Variants in LOXHD1 observed in about 807,000 individuals in gnomAD.
LOXHD1 encodes lipoxygenase homology domain-containing protein 1.
A neutral mutation model predicts 248.2 loss-of-function variants in LOXHD1; 205 were observed. The observed-to-expected ratio is 0.83, with a 90% CI of 0.74 to 0.93. The LOEUF is 0.93. LOXHD1 is among the 40% of genes least tolerant of loss of function. LOXHD1 has a pLI of 0.00. For missense variants in LOXHD1, 2,930 were observed against 2,971.6 expected, an observed-to-expected ratio of 0.99 and a Z score of 0.33; for synonymous variants, 1,113 against 1,162.8, an observed-to-expected ratio of 0.96 and a Z score of 0.87.
At chr18:46,504,124 GT>G (rs200695948) in intron 37 of LOXHD1, among the ~76,000 whole-genome samples, 3 of 150,966 alleles carry the variant, frequency 2.0e-5, no homozygotes, top group East Asian at 3.9e-4. Context: ...GTTTTGTTTT[GT>G]TTTTTTTTGA....
chr18:46,654,619 C>T (rs2039156121), intron 1 of LOXHD1, among the ~76,000 whole-genome samples: 2 of 152,210 alleles, frequency 1.3e-5, no homozygotes, highest in East Asian at 1.9e-4. Context: ...AGAGAAGGAA[C>T]ACCTAGGCTT....
intron 8 of LOXHD1, among the ~76,000 whole-genome samples, chr18:46,598,935 T>C (rs2038298056): frequency 6.6e-6 from 1 of 152,102 alleles, no homozygotes; most frequent in African/African-American, 2.4e-5. Context: ...TTTGGCAAAA[T>C]AAATAAATAC....
rs1368535103 is a variant in LOXHD1, at chr18:46,591,959, C to A, written c.1628G>T (p.Gly543Val). 1.9e-6 allele frequency: 3 copies of A among 1,551,904 alleles called. No individual in the cohort carries two copies. Among genetic ancestry groups the A allele is most frequent in the Non-Finnish European group, 2.6e-6 (3 of 1,147,018 alleles). The change falls in exon 12 of 41, where the codon GGC becomes GTC. Residue 543 changes from glycine to valine, a missense_variant. By Grantham distance (109) the Gly-to-Val change is moderately radical. Transcript: ENST00000642948. ...NEIVREMTAE[G>V]PTVRRIMGMA... ...GCCCATGATCCTGCGCACTGTTGGGCCTTCTGCAGTCATTTCCCTCACTAT... is the reference window on the plus strand; with the variant it reads ...GCCCATGATCCTGCGCACTGTTGGGACTTCTGCAGTCATTTCCCTCACTAT...
At chr18:46,497,279 GAAC>G (rs1481421367) in intron 37 of LOXHD1, among the ~76,000 whole-genome samples, 1 of 152,194 alleles carries the variant, frequency 6.6e-6, no homozygotes, top group Non-Finnish European at 1.5e-5. Flanking sequence ...GCTGGCATCT[GAAC>G]AACAATAGTA....
At chr18:46,571,219 G>A (rs1308835833) in intron 15 of LOXHD1, among the ~76,000 whole-genome samples, 1 of 152,168 alleles carries the variant, frequency 6.6e-6, no homozygotes, top group East Asian at 1.9e-4. Flanking sequence ...TCTAATCCCA[G>A]CACTTTGGGT....
chr18:46,616,480 ATGCGC>A (rs2038589128), intron 5 of LOXHD1, among the ~76,000 whole-genome samples: 3 of 152,124 alleles, frequency 2.0e-5, no homozygotes, highest in African/African-American at 7.2e-5. Flanking sequence ...ACATTTCTTC[ATGCGC>A]TGATGTTAGT....
chr18:46,527,985 CCA>C (rs1320581015), intron 29 of LOXHD1, among the ~76,000 whole-genome samples: 1 of 152,150 alleles, frequency 6.6e-6, no homozygotes, highest in Non-Finnish European at 1.5e-5. Flanking sequence ...GGGGCTCCTT[CCA>C]CAGTCTCTGA....
At chr18:46,587,928 T>C (rs1244551163) in intron 12 of LOXHD1, among the ~76,000 whole-genome samples, 1 of 152,202 alleles carries the variant, frequency 6.6e-6, no homozygotes, top group Non-Finnish European at 1.5e-5. Flanking sequence ...AGACATGGCA[T>C]TAATTGCTTA....
At chr18:46,488,883 C>T in intron 38 of LOXHD1, 89 bp downstream of exon 38, 1 of 1,404,476 alleles carries the variant, frequency 7.1e-7, no homozygotes, top group Non-Finnish European at 9.7e-7. Flanking sequence ...CTGTATCTGG[C>T]ACCTGACCCC....
intron 33 of LOXHD1, chr18:46,520,257 T>C (rs923398532): frequency 1.1e-5 from 5 of 470,422 alleles, no homozygotes; most frequent in Middle Eastern, 3.3e-4. Context: ...CCATATACAA[T>C]GTAGGCAGAG....
At chr18:46,520,903 A>G (rs1349152487) in intron 33 of LOXHD1, among the ~76,000 whole-genome samples, 194 bp downstream of exon 33, 1 of 152,220 alleles carries the variant, frequency 6.6e-6, no homozygotes, top group African/African-American at 2.4e-5. Flanking sequence ...CCAAGGTCAC[A>G]CGGCAGCAGA....
At chr18:46,640,692 G>A (rs770950703) in intron 3 of LOXHD1, among the ~76,000 whole-genome samples, 2 of 152,142 alleles carry the variant, frequency 1.3e-5, no homozygotes, top group East Asian at 1.9e-4. Flanking sequence ...TAGGTAGCAC[G>A]CCTCAATTTG....
At position 46,579,728 on chromosome 18, in the gene LOXHD1, C is replaced by G. The variant is rs2037927498; in HGVS notation, c.1711G>C (p.Ala571Pro). ...TGELEGAGTD[A>P]NVYLCLFGDV... is the part of the protein sequence containing the mutation. ...CCAAAAAGGCAGAGATAGACGTTGGCATCGGTCCCAGCACCTTCAAGTTCA... is the reference window on the plus strand; with the variant it reads ...CCAAAAAGGCAGAGATAGACGTTGGGATCGGTCCCAGCACCTTCAAGTTCA... The change falls in exon 13 of 41, where the codon GCC becomes CCC. Residue 571 changes from alanine (A) to proline (P), a missense_variant. Transcript: ENST00000642948. 1.3e-6 allele frequency: 2 copies of G among 1,551,710 alleles called. No individual in the cohort carries two copies. The highest frequency in any genetic ancestry group is 2.4e-5 in the South Asian group (2 of 84,068).
intron 37 of LOXHD1, among the ~76,000 whole-genome samples, chr18:46,499,784 T>C (rs1199988293): frequency 6.6e-6 from 1 of 152,232 alleles, no homozygotes; most frequent in Non-Finnish European, 1.5e-5. Flanking sequence ...TTACATACAG[T>C]GGCTTAAATA....
At chr18:46,574,420 C>CACACACACACACACACA (rs1568195079) in intron 14 of LOXHD1, among the ~76,000 whole-genome samples, 93 of 144,142 alleles carry the variant, frequency 6.5e-4, no homozygotes, top group South Asian at 1.9e-3. Flanking sequence ...CACACACACA[C>CACACACACACACACACA]CTGATCCTAG....
chr18:46,502,237 T>C (rs1184865892), intron 37 of LOXHD1, among the ~76,000 whole-genome samples: 1 of 152,200 alleles, frequency 6.6e-6, no homozygotes, highest in Non-Finnish European at 1.5e-5. Context: ...GCCTTTACTT[T>C]CCTAGATGGT....
At chr18:46,530,989 G>A (rs916266567) in intron 28 of LOXHD1, among the ~76,000 whole-genome samples, 3 of 151,864 alleles carry the variant, frequency 2.0e-5, no homozygotes, top group Non-Finnish European at 4.4e-5. Context: ...TTACCTAGAG[G>A]GCGTCTCCAC....
chr18:46,602,035 T>C (rs1433938105), intron 7 of LOXHD1, among the ~76,000 whole-genome samples: 1 of 152,072 alleles, frequency 6.6e-6, no homozygotes, highest in Admixed American at 6.5e-5. Context: ...GGTTGGGCCA[T>C]TTGAGGTTCT....
intron 2 of LOXHD1, among the ~76,000 whole-genome samples, chr18:46,647,550 C>T (rs76478645): frequency 0.09 from 13,690 of 152,246 alleles, 715 homozygotes; most frequent in Non-Finnish European, 0.13. Context: ...TCTGGGAACA[C>T]ATGGCAAAGA....
Sources: allele counts gnomAD v4.1 joint callset (sites outside exome capture counted in the v4.1 genomes callset), GRCh38; gene constraint gnomAD v4.1.1; transcripts MANE v1.5; gene names NCBI Gene and HGNC (gene_info 2026-07-23, HGNC 2026-07-21).